CACNB4: variants seen among roughly 807,000 people sequenced by gnomAD.
The protein encoded by CACNB4 is calcium voltage-gated channel auxiliary subunit beta 4.
A neutral mutation model predicts 71.2 loss-of-function variants in CACNB4; 32 were observed. That is an observed-to-expected ratio of 0.45 (90% CI 0.34 to 0.60). The LOEUF is 0.60. Ranked by LOEUF, CACNB4 falls within the 20% of genes least tolerant of loss-of-function variation. CACNB4 has a pLI of 0.01. For synonymous variants in CACNB4, 231 were observed against 236.9 expected (o/e 0.97, Z 0.23); for missense variants, 464 against 647.9 (o/e 0.72, Z 3.08).
Position 152,098,529 on chromosome 2 carries a change from C to T in CACNB4, c.64-116G>A, listed in dbSNP as rs1688409286. 7.3e-7 allele frequency: 1 copy of T among 1,363,106 alleles called. No individual in the cohort carries two copies. Among genetic ancestry groups the T allele is most frequent in the African/African-American group, 1.4e-5 (1 of 69,916 alleles). The allele number at this position is 1,363,106 out of a possible 1,614,324, so 84.4% of individuals were successfully genotyped here. A position where few individuals can be genotyped will look rare whatever the true frequency, so the allele number is the denominator to read the frequency against. ...CCCGCTCCCTGGGGTCCCCTAGAGC[C>T]CGCACCCAAGTCTCCTCCGCGACTC... On this transcript the variant is annotated intron_variant, in intron 1 of 13. Transcript: ENST00000539935. This position sits in a 1 kb window ranked among gnomAD's most constrained non-coding sequence, Gnocchi z 5.3.
intron 2 of CACNB4, chr2:151,968,615 G>A (rs777602778): frequency 6.6e-6 from 1 of 152,176 alleles, no homozygotes; most frequent in Non-Finnish European, 1.5e-5. Flanking sequence ...AGAAAGAGAA[G>A]AGCTAAGGTA....
chr2:151,854,653 T>C (rs1031351601), intron 11 of CACNB4, among the ~76,000 whole-genome samples: 1 of 152,234 alleles, frequency 6.6e-6, no homozygotes, highest in Non-Finnish European at 1.5e-5. Flanking sequence ...ATTTCACTTT[T>C]ATTTTTACCT....
chr2:151,863,722 G>A (rs2099842348), intron 9 of CACNB4, among the ~76,000 whole-genome samples: 1 of 151,984 alleles, frequency 6.6e-6, no homozygotes, highest in South Asian at 2.1e-4. Context: ...CACGACCAAA[G>A]TTTGAAAAAA....
Position 152,098,300 on chromosome 2 carries a change from C to A in CACNB4, c.147+30G>T. ...CCGCGCCGCGCGCTCGGCCTCCTCCCCATCCTGGTCTCCCGCCTCCTTCTC... is the reference window on the plus strand; with the variant it reads ...CCGCGCCGCGCGCTCGGCCTCCTCCACATCCTGGTCTCCCGCCTCCTTCTC... On this transcript the variant is annotated intron_variant, in intron 2 of 13. Transcript: ENST00000539935. This position sits in a 1 kb window ranked among gnomAD's most constrained non-coding sequence, Gnocchi z 5.3. The A allele has an allele frequency of 6.3e-7, 1 of 1,578,246 alleles. No homozygotes were observed. The highest frequency in any genetic ancestry group is 1.7e-5 in the Admixed American group (1 of 59,976).
chr2:152,023,633 C>T (rs1227524845), intron 2 of CACNB4, among the ~76,000 whole-genome samples: 2 of 152,228 alleles, frequency 1.3e-5, no homozygotes. Flanking sequence ...CAGGGTATCA[C>T]CATGTTGGCC....
At chr2:152,079,379 C>T (rs148508522) in intron 2 of CACNB4, among the ~76,000 whole-genome samples, 33 of 152,198 alleles carry the variant, frequency 2.2e-4, no homozygotes, top group East Asian at 1.5e-3. Context: ...TGAGCCACCA[C>T]GCCCGGCCGT....
At chr2:152,068,457 A>G (rs1262638542) in intron 2 of CACNB4, among the ~76,000 whole-genome samples, 1 of 152,228 alleles carries the variant, frequency 6.6e-6, no homozygotes, top group East Asian at 1.9e-4. Context: ...CTGCTTATTC[A>G]TCAAAGGAAT....
intron 2 of CACNB4, among the ~76,000 whole-genome samples, chr2:151,935,624 T>C (rs1205161365): frequency 1.3e-5 from 2 of 152,234 alleles, no homozygotes; most frequent in Admixed American, 6.5e-5. Flanking sequence ...CAAATCCATA[T>C]GCGGATAGAA....
intron 2 of CACNB4, among the ~76,000 whole-genome samples, chr2:152,000,821 C>T (rs992031778): frequency 1.3e-5 from 2 of 152,186 alleles, no homozygotes; most frequent in East Asian, 1.9e-4. Flanking sequence ...AAGACTGCAG[C>T]GAGGACTGAT....
At chr2:151,980,764 T>C (rs2099874578) in intron 2 of CACNB4, among the ~76,000 whole-genome samples, 1 of 152,238 alleles carries the variant, frequency 6.6e-6, no homozygotes, top group Non-Finnish European at 1.5e-5. Context: ...CTTCATGTCC[T>C]GATTGGGACA....
At position 151,853,433 on chromosome 2, in the gene CACNB4, A is replaced by G; in HGVS notation, c.1116+15T>C. The G allele has an allele frequency of 2.0e-6, 3 of 1,525,126 alleles. No individual in the cohort carries two copies. In the African/African-American group the frequency reaches 4.1e-5, roughly 21 times the overall value. 94.5% of individuals were successfully genotyped at this position (1,525,126 alleles called of 1,614,324 possible). A position where few individuals can be genotyped will look rare whatever the true frequency, so the allele number is the denominator to read the frequency against. ...CTAGTCAAGAATGATGAAGACAAAA[A>G]ATGATCATACTTACTGGGGGGCATT... On this transcript the variant is annotated intron_variant, in intron 12 of 13. Coordinates refer to ENST00000539935, the MANE Select transcript of CACNB4 (RefSeq NM_000726.5).
chr2:151,968,742 G>A (rs1482569403), intron 2 of CACNB4: 3 of 152,050 alleles, frequency 2.0e-5, no homozygotes, highest in East Asian at 1.9e-4. Context: ...ACATACAAAG[G>A]GAGTCACAGG....
chr2:151,842,208 G>A, intron 12 of CACNB4, 120 bp from the exon 13 acceptor site: 1 of 766,800 alleles, frequency 1.3e-6, no homozygotes, highest in Non-Finnish European at 2.2e-6. Flanking sequence ...TCAAATTTGA[G>A]GTGCTATATG....
At chr2:152,076,268 A>G (rs1394782210) in intron 2 of CACNB4, among the ~76,000 whole-genome samples, 1 of 143,802 alleles carries the variant, frequency 7.0e-6, no homozygotes, top group Non-Finnish European at 1.5e-5. Flanking sequence ...CAGCCTCCCG[A>G]GTAGCTGAGA....
At chr2:151,849,146 AT>A (rs1425207743) in intron 12 of CACNB4, among the ~76,000 whole-genome samples, 3 of 152,118 alleles carry the variant, frequency 2.0e-5, no homozygotes, top group Admixed American at 1.3e-4. Flanking sequence ...CCAGTAGCCC[AT>A]TTTCCCCACT....
chr2:151,877,145 T>A (rs1474504578), intron 4 of CACNB4, among the ~76,000 whole-genome samples: 1 of 149,766 alleles, frequency 6.7e-6, no homozygotes, highest in Non-Finnish European at 1.5e-5. Context: ...TATATATATA[T>A]CTGAGGTAGA....
chr2:151,870,620 G>A lies in CACNB4; in HGVS notation c.619-9C>T, dbSNP rs2151408626. 6.2e-7 allele frequency: 1 copy of A among 1,611,100 alleles called. No individual in the cohort carries two copies. Among genetic ancestry groups the A allele is most frequent in the Non-Finnish European group, 8.5e-7 (1 of 1,177,904 alleles). On this transcript the variant is annotated splice_polypyrimidine_tract_variant and intron_variant, in intron 7 of 13. Coordinates refer to ENST00000539935, the MANE Select transcript of CACNB4 (RefSeq NM_000726.5). The stretch of plus-strand genomic sequence containing the variant: ...GGAGGAATGTGCTCCGTCTGAAAAA[G>A]ATGATTCGACACGCGTGACAAGGTG...
intron 2 of CACNB4, among the ~76,000 whole-genome samples, chr2:151,943,782 A>AT: frequency 6.6e-6 from 1 of 152,236 alleles, no homozygotes; most frequent in Non-Finnish European, 1.5e-5. Context: ...CATTTGGAGA[A>AT]GACAACACAT....
intron 11 of CACNB4, chr2:151,854,485 T>G (rs771931732): frequency 6.6e-6 from 1 of 152,238 alleles, no homozygotes; most frequent in Non-Finnish European, 1.5e-5. Flanking sequence ...CAGTTGAATT[T>G]GTATTTAGGC....
Sources: allele counts gnomAD v4.1 joint callset (sites outside exome capture counted in the v4.1 genomes callset), GRCh38; gene constraint gnomAD v4.1.1; non-coding constraint Gnocchi (gnomAD v3.1); transcripts MANE v1.5; gene names NCBI Gene and HGNC (gene_info 2026-07-23, HGNC 2026-07-21).